EMC7: variants seen among roughly 807,000 people sequenced by gnomAD.
The protein encoded by EMC7 is endoplasmic reticulum membrane protein complex subunit 7.
EMC7 carries 4 observed loss-of-function variants against 24.4 expected under a neutral mutation model. The observed-to-expected ratio is 0.16, with a 90% CI of 0.08 to 0.38. EMC7 has a LOEUF of 0.38. Among genes scored for constraint, EMC7 ranks in the 10% least tolerant of loss-of-function variants. The pLI is 1.00. For synonymous variants in EMC7, 106 were observed against 112.0 expected (o/e 0.95, Z 0.34); for missense variants, 221 against 300.6 (o/e 0.74, Z 1.96).
chr15:34,101,210 C>T (rs1488546709), intron 1 of EMC7, among the ~76,000 whole-genome samples: 2 of 151,048 alleles, frequency 1.3e-5, no homozygotes, highest in Admixed American at 1.3e-4. Context: ...AACAAGCTAC[C>T]AAAAGACTGA....
chr15:34,088,769 G>C (rs559809131), intron 3 of EMC7, among the ~76,000 whole-genome samples: 1 of 152,168 alleles, frequency 6.6e-6, no homozygotes, highest in Non-Finnish European at 1.5e-5. Context: ...TCCTCCCTAG[G>C]GGATATACAG....
intron 2 of EMC7, among the ~76,000 whole-genome samples, chr15:34,090,870 A>G (rs1163824755): frequency 6.6e-6 from 1 of 152,232 alleles, no homozygotes; most frequent in Non-Finnish European, 1.5e-5. Context: ...GAAATGCATT[A>G]TTGGATGTAA....
intron 1 of EMC7, among the ~76,000 whole-genome samples, chr15:34,096,776 T>C (rs1031894441): frequency 5.3e-5 from 8 of 151,560 alleles, no homozygotes; most frequent in Admixed American, 2.0e-4. Flanking sequence ...TCACCTGAGG[T>C]TGGGAGTTAG....
At chr15:34,094,260 A>G (rs7162728) in intron 2 of EMC7, among the ~76,000 whole-genome samples, 149,506 of 151,246 alleles carry the variant, frequency 0.99, 73,921 homozygotes, top group Middle Eastern at 1. Flanking sequence ...AAAAAAATCA[A>G]GCCAGGTGCC....
intron 2 of EMC7, among the ~76,000 whole-genome samples, chr15:34,093,558 A>T (rs1032563164): frequency 6.1e-5 from 9 of 148,414 alleles, no homozygotes; most frequent in Admixed American, 1.4e-4. Flanking sequence ...AAAAAGGATT[A>T]AAAAAAAATA....
chr15:34,084,436 A>G lies in EMC7; in HGVS notation c.627T>C (p.Asp209=), dbSNP rs769857913. ...AGAGTCTTGTCATGAACTCAGAAAC[A>G]TCAGGCAACTCATGGTTGGAATTCA... ...NMLNSNHELP[D]VSEFMTRLFS... Residue 209 remains aspartate (D), a synonymous_variant, in exon 5 of 5, where the codon GAT becomes GAC. Coordinates refer to ENST00000256545, the MANE Select transcript of EMC7 (RefSeq NM_020154.3). The G allele has an allele frequency of 1.9e-6, 3 of 1,613,832 alleles. No individual in the cohort carries two copies. The highest frequency in any genetic ancestry group is 2.5e-6 in the Non-Finnish European group (3 of 1,179,756).
At chr15:34,088,258 G>T in intron 3 of EMC7, 125 bp from the exon 4 acceptor site, 1 of 739,558 alleles carries the variant, frequency 1.4e-6, no homozygotes, top group Non-Finnish European at 2.2e-6. Flanking sequence ...AACACTAGTA[G>T]CAACCACCGC....
At chr15:34,097,325 G>A (rs984454478) in intron 1 of EMC7, among the ~76,000 whole-genome samples, 12 of 152,086 alleles carry the variant, frequency 7.9e-5, no homozygotes, top group Non-Finnish European at 2.9e-5. Context: ...GAGCCACTGC[G>A]CCTGGCCGGT....
intron 3 of EMC7, among the ~76,000 whole-genome samples, chr15:34,089,781 ACT>A (rs1285922104): frequency 6.6e-6 from 1 of 152,108 alleles, no homozygotes; most frequent in Non-Finnish European, 1.5e-5. Context: ...AGATGGAGAA[ACT>A]CTGTCACTAC....
At chr15:34,090,756 T>A (rs2140868703) in intron 2 of EMC7, among the ~76,000 whole-genome samples, 1 of 152,336 alleles carries the variant, frequency 6.6e-6, no homozygotes, top group Admixed American at 6.5e-5. Context: ...TCAAAAGTTC[T>A]TTTAGAATCC....
chr15:34,096,079 A>G, intron 1 of EMC7, 65 bp from the exon 2 acceptor site: 1 of 1,410,660 alleles, frequency 7.1e-7, no homozygotes, highest in Non-Finnish European at 9.4e-7. Context: ...TTACTTGCTA[A>G]TTCCCAAATC....
chr15:34,099,552 C>T (rs1901141712), intron 1 of EMC7, among the ~76,000 whole-genome samples: 1 of 152,218 alleles, frequency 6.6e-6, no homozygotes, highest in Non-Finnish European at 1.5e-5. Context: ...AAATTACCTA[C>T]CCCTTTTCCA....
At chr15:34,101,399 C>T (rs1221261750) in intron 1 of EMC7, among the ~76,000 whole-genome samples, 1 of 152,126 alleles carries the variant, frequency 6.6e-6, no homozygotes, top group Non-Finnish European at 1.5e-5. Context: ...GGGTGAGCGC[C>T]TGCCATGCTC....
At chr15:34,091,709 G>A (rs942130773) in intron 2 of EMC7, among the ~76,000 whole-genome samples, 1 of 152,130 alleles carries the variant, frequency 6.6e-6, no homozygotes, top group African/African-American at 2.4e-5. Flanking sequence ...CTGACTCCAA[G>A]CAAGCCCATG....
At chr15:34,084,903 C>T (rs1057122738) in intron 4 of EMC7, among the ~76,000 whole-genome samples, 3 of 152,042 alleles carry the variant, frequency 2.0e-5, no homozygotes, top group East Asian at 1.9e-4. Context: ...CACCTCCCCC[C>T]ACCCCACAAC....
chr15:34,084,046 A>T lies in EMC7; in HGVS notation c.*288T>A, dbSNP rs1900835407. 7.7e-6 allele frequency: 2 copies of T among 258,590 alleles called. No homozygotes were observed. The highest frequency in any genetic ancestry group is 2.2e-5 in the African/African-American group (1 of 45,394). 16.0% of individuals were successfully genotyped at this position (258,590 alleles called of 1,614,324 possible). A position where few individuals can be genotyped will look rare whatever the true frequency, so the allele number is the denominator to read the frequency against. On this transcript the variant is annotated 3_prime_UTR_variant, in exon 5 of 5. Transcript: ENST00000256545. ...ATTTCTGGATTAAGATGTTTTAATT[A>T]ATATACATAATGTATAGTAGTTCAT...
At chr15:34,090,253 A>G (rs1900956416) in intron 3 of EMC7, 64 bp downstream of exon 3, 15 of 1,497,384 alleles carry the variant, frequency 1.0e-5, no homozygotes, top group Non-Finnish European at 1.3e-5. Context: ...AGAGGTTTGA[A>G]GTTTCCACTG....
At chr15:34,089,977 CA>C (rs1248750755) in intron 3 of EMC7, among the ~76,000 whole-genome samples, 2 of 152,116 alleles carry the variant, frequency 1.3e-5, no homozygotes, top group Admixed American at 6.5e-5. Flanking sequence ...AAACAAACCA[CA>C]AACAAAAAAT....
intron 2 of EMC7, among the ~76,000 whole-genome samples, chr15:34,095,306 G>A (rs954379382): frequency 6.6e-6 from 1 of 152,186 alleles, no homozygotes; most frequent in African/African-American, 2.4e-5. Context: ...ATAATGGGAA[G>A]CTGACTCTGA....
Sources: gnomAD v4.1 joint callset for allele counts (sites outside exome capture counted in the v4.1 genomes callset) on GRCh38, gnomAD v4.1.1 for gene constraint, MANE v1.5 for transcripts, NCBI Gene and HGNC (gene_info 2026-07-23, HGNC 2026-07-21) for gene names.